The following CTNNA2 variants were observed in gnomAD, a reference collection of about 807,000 sequenced individuals.
The protein encoded by CTNNA2 is catenin alpha-2.
CTNNA2 carries 42 observed loss-of-function variants against 101.0 expected under a neutral mutation model. That is an observed-to-expected ratio of 0.42 (90% CI 0.32 to 0.54). CTNNA2 has a LOEUF of 0.54. CTNNA2 is among the 20% of genes least tolerant of loss of function. The pLI is 0.14. For missense variants in CTNNA2, 871 were observed against 1,223.1 expected, an observed-to-expected ratio of 0.71 and a Z score of 4.29; for synonymous variants, 450 against 456.4, an observed-to-expected ratio of 0.99 and a Z score of 0.18.
At chr2:79,322,501 C>A (rs556233870) in intron 3 of CTNNA2, among the ~76,000 whole-genome samples, 1 of 152,206 alleles carries the variant, frequency 6.6e-6, no homozygotes, top group South Asian at 2.1e-4. Context: ...GTCAATTTTC[C>A]AAAACTCTCA....
intron 2 of CTNNA2, among the ~76,000 whole-genome samples, chr2:79,235,516 T>C (rs1053671681): frequency 8.6e-5 from 13 of 151,970 alleles, no homozygotes; most frequent in African/African-American, 3.1e-4. Context: ...TTTCTTTTGT[T>C]AGGTGCTCTA....
chr2:79,420,641 G>T (rs72919178), intron 4 of CTNNA2, among the ~76,000 whole-genome samples: 9 of 152,036 alleles, frequency 5.9e-5, no homozygotes, highest in Non-Finnish European at 1.3e-4. Flanking sequence ...TAGTTTTCTC[G>T]TAAGTAAAAT....
intron 2 of CTNNA2, among the ~76,000 whole-genome samples, chr2:79,718,737 C>T (rs1000631755): frequency 1.3e-5 from 2 of 151,646 alleles, no homozygotes; most frequent in Non-Finnish European, 2.9e-5. Context: ...TGATGTATAG[C>T]AAAGATTTTT....
At chr2:80,212,623 T>C (rs1707973261) in intron 7 of CTNNA2, among the ~76,000 whole-genome samples, 1 of 152,166 alleles carries the variant, frequency 6.6e-6, no homozygotes. Context: ...GGTTTGCCAG[T>C]ATTTTATTGA....
chr2:80,229,159 T>C (rs771186288), intron 7 of CTNNA2, among the ~76,000 whole-genome samples: 3 of 152,196 alleles, frequency 2.0e-5, no homozygotes, highest in Non-Finnish European at 4.4e-5. Context: ...GTGAAATTCA[T>C]GCCAGTACTA....
At chr2:80,448,235 C>T (rs1275548321) in intron 9 of CTNNA2, among the ~76,000 whole-genome samples, 1 of 152,152 alleles carries the variant, frequency 6.6e-6, no homozygotes, top group Non-Finnish European at 1.5e-5. Context: ...AGAAAGACAA[C>T]CATTTCATTC....
intron 4 of CTNNA2, among the ~76,000 whole-genome samples, chr2:79,435,838 G>C (rs1020260458): frequency 1.3e-5 from 2 of 152,176 alleles, no homozygotes; most frequent in African/African-American, 4.8e-5. Flanking sequence ...CCTCATCCGA[G>C]TGAACTGAGA....
chr2:79,667,101 C>G (rs1372717202), intron 2 of CTNNA2, among the ~76,000 whole-genome samples: 1 of 152,182 alleles, frequency 6.6e-6, no homozygotes, highest in Non-Finnish European at 1.5e-5. Context: ...TCAAAGTCAT[C>G]GCTTGGATGA....
intron 8 of CTNNA2, among the ~76,000 whole-genome samples, chr2:80,415,894 G>A (rs929048427): frequency 6.6e-6 from 1 of 152,086 alleles, no homozygotes; most frequent in Admixed American, 6.5e-5. Flanking sequence ...GTGACAACAT[G>A]GATGGACTTG....
chr2:79,628,541 G>A (rs1053624529), intron 1 of CTNNA2, among the ~76,000 whole-genome samples: 2 of 152,078 alleles, frequency 1.3e-5, no homozygotes, highest in Non-Finnish European at 2.9e-5. Flanking sequence ...TTACAGGATA[G>A]GTAAGTATTT....
At chr2:79,483,377 A>G (rs1671128324) in intron 4 of CTNNA2, among the ~76,000 whole-genome samples, 1 of 152,230 alleles carries the variant, frequency 6.6e-6, no homozygotes, top group Non-Finnish European at 1.5e-5. Flanking sequence ...TCTACAGATC[A>G]GAAAAGGGGC....
At chr2:80,499,814 C>G (rs1333058930) in intron 9 of CTNNA2, among the ~76,000 whole-genome samples, 1 of 151,836 alleles carries the variant, frequency 6.6e-6, no homozygotes, top group East Asian at 1.9e-4. Flanking sequence ...ACGTGAGACT[C>G]CATCTCAAAA....
intron 2 of CTNNA2, among the ~76,000 whole-genome samples, chr2:79,689,610 C>T (rs2104691328): frequency 1.3e-5 from 2 of 151,416 alleles, no homozygotes; most frequent in Middle Eastern, 3.4e-3. Context: ...TATATAATGG[C>T]CAAAACAAAG....
At chr2:79,416,257 C>CTTTTTCT (rs1404591922) in intron 4 of CTNNA2, among the ~76,000 whole-genome samples, 12 of 94,610 alleles carry the variant, frequency 1.3e-4, no homozygotes, top group African/African-American at 4.5e-4. Context: ...CTTTCCTTTT[C>CTTTTTCT]TTTTTTTTTT....
Position 80,302,614 on chromosome 2 carries a change from G to C in CTNNA2, c.1057-90597G>C. 1 of 1,605,822 alleles carries C rather than the reference G, an allele frequency of 6.2e-7. No homozygotes were observed. The highest frequency in any genetic ancestry group is 8.5e-7 in the Non-Finnish European group (1 of 1,178,508). On this transcript the variant is annotated intron_variant, in intron 7 of 18. Coordinates refer to ENST00000402739, the MANE Select transcript of CTNNA2 (RefSeq NM_001282597.3). The surrounding 1 kb of genome is among the most constrained non-coding windows in gnomAD (Gnocchi z 6.4). Reference sequence around the variant, plus strand: ...CGGTGGCAGGCTCGAATGTGCCGTCGTGCTGCCCCTCCCCGCCGTCCGCGA... The same window carrying C: ...CGGTGGCAGGCTCGAATGTGCCGTCCTGCTGCCCCTCCCCGCCGTCCGCGA...
At chr2:80,471,803 T>C (rs1183979385) in intron 9 of CTNNA2, among the ~76,000 whole-genome samples, 6 of 141,354 alleles carry the variant, frequency 4.2e-5, no homozygotes, top group Non-Finnish European at 4.5e-5. Context: ...AAAGTGGTCC[T>C]TTGTCCTCAA....
At chr2:80,246,489 A>G (rs780323589) in intron 7 of CTNNA2, among the ~76,000 whole-genome samples, 31 of 152,338 alleles carry the variant, frequency 2.0e-4, no homozygotes, top group Non-Finnish European at 3.7e-4. Context: ...TTGAATATAG[A>G]AAATAATCAG....
At chr2:79,188,002 T>A (rs1216759786) in intron 1 of CTNNA2, among the ~76,000 whole-genome samples, 1 of 152,148 alleles carries the variant, frequency 6.6e-6, no homozygotes, top group Non-Finnish European at 1.5e-5. Context: ...ATAAGCCCAG[T>A]TAACAAAAAA....
chr2:79,430,717 G>C (rs1416094325), intron 4 of CTNNA2, among the ~76,000 whole-genome samples: 1 of 152,034 alleles, frequency 6.6e-6, no homozygotes, highest in East Asian at 1.9e-4. Context: ...GGCTTATGGG[G>C]GCTATAAAAG....
Sources: gnomAD v4.1 joint callset for allele counts (sites outside exome capture counted in the v4.1 genomes callset) on GRCh38, gnomAD v4.1.1 for gene constraint, Gnocchi (gnomAD v3.1) non-coding constraint, MANE v1.5 for transcripts, NCBI Gene and HGNC (gene_info 2026-07-23, HGNC 2026-07-21) for gene names.